TTC39B: variants seen among roughly 807,000 people sequenced by gnomAD.
TTC39B encodes tetratricopeptide repeat protein 39B.
A neutral mutation model predicts 96.6 loss-of-function variants in TTC39B; 92 were observed. That is an observed-to-expected ratio of 0.95 (90% CI 0.80 to 1.13). The LOEUF is 1.13. Among genes scored for constraint, TTC39B ranks in the 50% most tolerant of loss-of-function variants. The pLI is 0.00. For missense variants in TTC39B, 955 were observed against 809.3 expected (o/e 1.18, Z -2.18); for synonymous variants, 367 against 299.4 (o/e 1.23, Z -2.33).
intron 1 of TTC39B, among the ~76,000 whole-genome samples, chr9:15,279,988 C>G (rs368582750): frequency 6.6e-6 from 1 of 150,654 alleles, no homozygotes. Context: ...CTCCACCCCC[C>G]GGGTTCAAGC....
chr9:15,220,388 G>C (rs974390844), intron 3 of TTC39B, among the ~76,000 whole-genome samples: 1 of 152,176 alleles, frequency 6.6e-6, no homozygotes, highest in Admixed American at 6.5e-5. Flanking sequence ...TAAGCTCATA[G>C]TCTACAGTGG....
At chr9:15,250,796 T>A in intron 2 of TTC39B, among the ~76,000 whole-genome samples, 1 of 152,250 alleles carries the variant, frequency 6.6e-6, no homozygotes, top group East Asian at 1.9e-4. Flanking sequence ...TCCTGGGGAA[T>A]AAGGTGGTCG....
rs967252124 is a variant in TTC39B, at chr9:15,187,853, G to A, written c.1395+118C>T. 4.7e-6 allele frequency: 5 copies of A among 1,072,372 alleles called. No individual in the cohort carries two copies. In the African/African-American group the frequency reaches 8.1e-5, roughly 17 times the overall value. The allele number at this position is 1,072,372 out of a possible 1,614,324, so 66.4% of individuals were successfully genotyped here. A position where few individuals can be genotyped will look rare whatever the true frequency, so the allele number is the denominator to read the frequency against. On this transcript the variant is annotated intron_variant, in intron 14 of 19. Coordinates refer to ENST00000512701, the Ensembl canonical transcript of TTC39B. Reference sequence around the variant, plus strand: ...TTAAGGCACATTTCCTCCTTTTGTGGATCTCTAAGTTGAGAAAACACTGTG... The same window carrying A: ...TTAAGGCACATTTCCTCCTTTTGTGAATCTCTAAGTTGAGAAAACACTGTG...
chr9:15,301,632 TG>T lies in TTC39B; in HGVS notation c.240+5451del, dbSNP rs1208726756. Reference sequence around the variant, plus strand: ...TTGGATGGTCGTGGTGGTGCATGCCTGTAACCCCAGCTACTCGGGAGACTGA... The same window carrying T: ...TTGGATGGTCGTGGTGGTGCATGCCTTAACCCCAGCTACTCGGGAGACTGA... On this transcript the variant is annotated intron_variant, in intron 1 of 19. Transcript: ENST00000512701. Among the ~76,000 whole-genome samples, 12 of 152,064 alleles carry T rather than the reference TG, an allele frequency of 7.9e-5. No homozygotes were observed. In the South Asian group the frequency reaches 2.5e-3, roughly 32 times the overall value.
chr9:15,165,666 C>G (rs868003384), exon 20 of TTC39B: 1 of 152,074 alleles, frequency 6.6e-6, no homozygotes, highest in Non-Finnish European at 1.5e-5. Flanking sequence ...CTTCACAGGG[C>G]GGCAGGAAAG....
intron 1 of TTC39B, among the ~76,000 whole-genome samples, chr9:15,270,517 C>T (rs1334762838): frequency 1.3e-5 from 2 of 151,428 alleles, no homozygotes; most frequent in South Asian, 2.1e-4. Context: ...GAGTGAGCGA[C>T]GCAAAGGATA....
At chr9:15,293,209 G>A (rs1478107494) in intron 1 of TTC39B, among the ~76,000 whole-genome samples, 2 of 152,080 alleles carry the variant, frequency 1.3e-5, no homozygotes, top group African/African-American at 4.8e-5. Context: ...TTGTAACCTG[G>A]GAGCAATAGG....
At position 15,214,262 on chromosome 9, in the gene TTC39B, A is replaced by C. The variant is rs768177120; in HGVS notation, c.372-13T>G. ...GGTTGATGATGAACTAAAGATCAAG[A>C]AAAAAGCACAGAGAATTTCTATAGC... On this transcript the variant is annotated splice_polypyrimidine_tract_variant and intron_variant, in intron 3 of 19. Transcript: ENST00000512701. The C allele has an allele frequency of 3.1e-6, 5 of 1,599,378 alleles. No homozygotes were observed. The highest frequency in any genetic ancestry group is 4.3e-6 in the Non-Finnish European group (5 of 1,167,214).
intron 14 of TTC39B, 46 bp downstream of exon 14, chr9:15,187,925 C>T: frequency 6.6e-7 from 1 of 1,512,086 alleles, no homozygotes; most frequent in Non-Finnish European, 8.9e-7. Flanking sequence ...TCATCCTGGC[C>T]ATGTATTAGC....
At chr9:15,201,316 G>A (rs2131308606) in intron 7 of TTC39B, among the ~76,000 whole-genome samples, 1 of 150,402 alleles carries the variant, frequency 6.6e-6, no homozygotes, top group South Asian at 2.1e-4. Flanking sequence ...TAAACTTAAT[G>A]CCTATTTTAT....
At position 15,195,026 on chromosome 9, in the gene TTC39B, G is replaced by A. The variant is rs144065307; in HGVS notation, c.825-2331C>T. Among the ~76,000 whole-genome samples the A allele has an allele frequency of 1.7e-3, 266 of 152,346 alleles. 5 individuals are homozygous for A. In the East Asian group the frequency reaches 0.043, roughly 25 times the overall value. ...AACTAGAAATAATTAAGCGTAGTGA[G>A]GAAGGCATGTCAAAAGCCAAGACAG... is the stretch of plus-strand genomic sequence containing the variant. On this transcript the variant is annotated intron_variant, in intron 8 of 19. Coordinates refer to ENST00000512701, the Ensembl canonical transcript of TTC39B.
At chr9:15,235,168 C>T (rs2131448387) in intron 2 of TTC39B, among the ~76,000 whole-genome samples, 1 of 152,182 alleles carries the variant, frequency 6.6e-6, no homozygotes, top group African/African-American at 2.4e-5. Context: ...GAAAGTATTT[C>T]AGAGCTTAAA....
chr9:15,206,690 T>C (rs181990731), intron 6 of TTC39B, among the ~76,000 whole-genome samples: 12 of 152,266 alleles, frequency 7.9e-5, no homozygotes, highest in South Asian at 4.1e-4. Context: ...TATTTAGATA[T>C]GAAAGTCTAA....
chr9:15,280,054 C>T (rs753410352), intron 1 of TTC39B, among the ~76,000 whole-genome samples: 23 of 152,022 alleles, frequency 1.5e-4, no homozygotes, highest in Non-Finnish European at 3.2e-4. Context: ...TGCCACCAAA[C>T]CCGGCTAATT....
At chr9:15,208,187 G>A (rs1819986931) in intron 6 of TTC39B, among the ~76,000 whole-genome samples, 1 of 151,354 alleles carries the variant, frequency 6.6e-6, no homozygotes, top group African/African-American at 2.4e-5. Context: ...ACCATGCCTG[G>A]CTAATTTTTA....
intron 1 of TTC39B, among the ~76,000 whole-genome samples, chr9:15,291,373 C>A (rs981556618): frequency 6.6e-6 from 1 of 152,212 alleles, no homozygotes; most frequent in Non-Finnish European, 1.5e-5. Flanking sequence ...CAAGCTCTCT[C>A]TTTGCCTGCT....
At chr9:15,240,672 T>C (rs1220460610) in intron 2 of TTC39B, among the ~76,000 whole-genome samples, 1 of 152,220 alleles carries the variant, frequency 6.6e-6, no homozygotes, top group Non-Finnish European at 1.5e-5. Flanking sequence ...TCAAAATAGT[T>C]ATCTAAGAAA....
chr9:15,186,658 T>G (rs1818541626), intron 15 of TTC39B: 1 of 237,390 alleles, frequency 4.2e-6, no homozygotes, highest in Admixed American at 5.6e-5. Context: ...TGCCATGGCT[T>G]TTACTAATGT....
intron 1 of TTC39B, among the ~76,000 whole-genome samples, chr9:15,287,554 C>T (rs953249625): frequency 1.3e-5 from 2 of 152,102 alleles, no homozygotes; most frequent in Admixed American, 6.5e-5. Context: ...ACTCGCTTCC[C>T]GGAGCTTACA....
Sources: allele counts gnomAD v4.1 joint callset (sites outside exome capture counted in the v4.1 genomes callset), GRCh38; gene constraint gnomAD v4.1.1; transcripts MANE v1.5; gene names NCBI Gene and HGNC (gene_info 2026-07-23, HGNC 2026-07-21).